ASPH: variants seen among roughly 807,000 people sequenced by gnomAD.
ASPH encodes the protein aspartyl/asparaginyl beta-hydroxylase.
ASPH carries 100 observed loss-of-function variants against 118.4 expected under a neutral mutation model. The ratio of observed to expected loss-of-function variants is 0.84; its 90% confidence interval spans 0.72 to 1.00. The LOEUF (loss-of-function observed/expected upper bound fraction) is 1.00, where lower values mean the gene tolerates loss of function less well. Among genes scored for constraint, ASPH ranks in the 50% least tolerant of loss-of-function variants. ASPH has a pLI of 0.00. For missense variants in ASPH, 920 were observed against 919.5 expected (o/e 1.00, Z -0.01); for synonymous variants, 315 against 325.6 (o/e 0.97, Z 0.35).
At chr8:61,637,864 G>T in intron 12 of ASPH, 83 bp downstream of exon 12, 1 of 1,334,032 alleles carries the variant, frequency 7.5e-7, no homozygotes. Flanking sequence ...TAGACAGCAA[G>T]TAGGAAATGT....
chr8:61,675,592 C>G (rs1186609067), intron 3 of ASPH: 6 of 979,684 alleles, frequency 6.1e-6, no homozygotes, highest in Non-Finnish European at 7.3e-6. Context: ...AGTAAAGAAC[C>G]ATCATTTTAT....
intron 15 of ASPH, chr8:61,579,562 G>T: frequency 6.6e-7 from 1 of 1,521,642 alleles, no homozygotes; most frequent in South Asian, 1.1e-5. Flanking sequence ...TCTGGCGCAG[G>T]CTCCAGCTCC....
chr8:61,600,371 CCAAGCCAGAGCAAAAGGGCAA>C (rs1843647891), intron 14 of ASPH, among the ~76,000 whole-genome samples: 1 of 151,438 alleles, frequency 6.6e-6, no homozygotes, highest in African/African-American at 2.4e-5. Flanking sequence ...TATTGGAGGT[CCAAGCCAGAGCAAAAGGGCAA>C]GAAAAAGAAA....
At chr8:61,657,050 A>T (rs1814076780) in intron 3 of ASPH, 1 of 152,238 alleles carries the variant, frequency 6.6e-6, no homozygotes. Flanking sequence ...GAGAAACTTA[A>T]AAAATAAGAA....
At chr8:61,652,234 G>T (rs527344366) in intron 4 of ASPH, among the ~76,000 whole-genome samples, 20 of 152,308 alleles carry the variant, frequency 1.3e-4, no homozygotes, top group African/African-American at 4.8e-4. Context: ...CATAACTGCT[G>T]AAATCACCAT....
chr8:61,659,782 A>T (rs1815790681), intron 3 of ASPH: 1 of 152,202 alleles, frequency 6.6e-6, no homozygotes, highest in Non-Finnish European at 1.5e-5. Context: ...TTAGTTTCCT[A>T]AACACAAAAA....
At chr8:61,665,520 C>T (rs143179602) in intron 3 of ASPH, 102 of 1,569,936 alleles carry the variant, frequency 6.5e-5, no homozygotes, top group Non-Finnish European at 8.7e-5. Flanking sequence ...TCTTTCTTCC[C>T]CTTTTTTCTC....
chr8:61,673,449 C>T (rs1290246955), intron 3 of ASPH, among the ~76,000 whole-genome samples: 1 of 152,192 alleles, frequency 6.6e-6, no homozygotes, highest in Non-Finnish European at 1.5e-5. Context: ...AATGTCAGCA[C>T]ATCCGAATAA....
intron 1 of ASPH, among the ~76,000 whole-genome samples, chr8:61,713,461 G>C (rs777822156): frequency 6.6e-6 from 1 of 152,190 alleles, no homozygotes; most frequent in Non-Finnish European, 1.5e-5. Flanking sequence ...TTCAAGTGAA[G>C]TTTACAGCTC....
intron 16 of ASPH, among the ~76,000 whole-genome samples, chr8:61,571,496 C>T (rs1365812759): frequency 6.6e-6 from 1 of 152,150 alleles, no homozygotes; most frequent in Non-Finnish European, 1.5e-5. Context: ...ATACCCAATA[C>T]AATGTAACTT....
In ASPH at chr8:61,642,944, G is replaced by A. The variant is rs756684821; in HGVS notation, c.758-24C>T. ...ATCTGAAAAAAAAAAGAGAATAAAAGCAAAATAAGTATTAACTGAGTCATT... is the reference window on the plus strand; with the variant it reads ...ATCTGAAAAAAAAAAGAGAATAAAAACAAAATAAGTATTAACTGAGTCATT... On this transcript the variant is annotated intron_variant, in intron 9 of 24. Coordinates refer to ENST00000379454, the MANE Select transcript of ASPH (RefSeq NM_004318.4). The A allele has an allele frequency of 3.9e-6, 6 of 1,524,142 alleles. No homozygotes were observed. In the Admixed American group the frequency reaches 7.0e-5, roughly 18 times the overall value. The allele number at this position is 1,524,142 out of a possible 1,614,324, so 94.4% of individuals were successfully genotyped here. A position where few individuals can be genotyped will look rare whatever the true frequency, so the allele number is the denominator to read the frequency against.
At chr8:61,699,893 T>G (rs1005593296) in intron 1 of ASPH, among the ~76,000 whole-genome samples, 1 of 152,080 alleles carries the variant, frequency 6.6e-6, no homozygotes, top group South Asian at 2.1e-4. Context: ...CTATGCCTAG[T>G]TGAACAGCAG....
At chr8:61,643,581 C>T (rs767338694) in intron 8 of ASPH, 148 bp from the exon 9 acceptor site, 28 of 796,750 alleles carry the variant, frequency 3.5e-5, no homozygotes, top group Non-Finnish European at 4.7e-5. Flanking sequence ...AGCTGAATAA[C>T]GTTCCACAAT....
chr8:61,694,510 G>T (rs891087309), intron 1 of ASPH, among the ~76,000 whole-genome samples: 4 of 152,026 alleles, frequency 2.6e-5, no homozygotes, highest in Non-Finnish European at 5.9e-5. Flanking sequence ...TAAACCCAAC[G>T]CAAAACTTTC....
intron 3 of ASPH, among the ~76,000 whole-genome samples, chr8:61,671,521 A>C (rs1324115844): frequency 6.6e-6 from 1 of 152,178 alleles, no homozygotes; most frequent in Admixed American, 6.5e-5. Context: ...ATATATTCCA[A>C]TTTAAGAAAT....
At chr8:61,595,548 A>C (rs1008298912) in intron 14 of ASPH, among the ~76,000 whole-genome samples, 1 of 152,260 alleles carries the variant, frequency 6.6e-6, no homozygotes, top group Admixed American at 6.5e-5. Context: ...TAAACTTGGT[A>C]AAATTTCTAA....
intron 3 of ASPH, among the ~76,000 whole-genome samples, chr8:61,667,205 T>C (rs187737709): frequency 2.4e-3 from 368 of 152,246 alleles, no homozygotes; most frequent in Non-Finnish European, 4.2e-3. Flanking sequence ...CACAGGCTTA[T>C]AAAGAAAAAC....
chr8:61,600,137 A>T (rs1242148639), intron 14 of ASPH, among the ~76,000 whole-genome samples: 2 of 152,238 alleles, frequency 1.3e-5, no homozygotes, highest in African/African-American at 4.8e-5. Context: ...TCGATAGGAC[A>T]AAAACCATAT....
At chr8:61,574,732 A>C (rs1031149919) in intron 16 of ASPH, among the ~76,000 whole-genome samples, 3 of 152,146 alleles carry the variant, frequency 2.0e-5, no homozygotes, top group Non-Finnish European at 4.4e-5. Context: ...CATTAGGAGA[A>C]ATACCTAACA....
Sources: allele counts gnomAD v4.1 joint callset (sites outside exome capture counted in the v4.1 genomes callset), GRCh38; gene constraint gnomAD v4.1.1; transcripts MANE v1.5; gene names NCBI Gene and HGNC (gene_info 2026-07-23, HGNC 2026-07-21).